MED27: variants seen among roughly 807,000 people sequenced by gnomAD.
The protein encoded by MED27 is mediator of RNA polymerase II transcription subunit 27.
A neutral mutation model predicts 38.2 loss-of-function variants in MED27; 30 were observed. The ratio of observed to expected loss-of-function variants is 0.79; its 90% CI spans 0.59 to 1.07. The LOEUF is 1.07. Ranked by LOEUF, MED27 falls within the 50% of genes least tolerant of loss-of-function variation. MED27 has a pLI of 0.00. For synonymous variants in MED27, 122 were observed against 153.5 expected, an observed-to-expected ratio of 0.79 and a Z score of 1.52; for missense variants, 289 against 397.5, an observed-to-expected ratio of 0.73 and a Z score of 2.32.
At chr9:131,928,105 T>C (rs1020935334) in intron 4 of MED27, among the ~76,000 whole-genome samples, 5 of 152,250 alleles carry the variant, frequency 3.3e-5, no homozygotes, top group African/African-American at 1.2e-4. Flanking sequence ...AATGTGTTAC[T>C]GTAGAACCAA....
At chr9:131,925,755 C>G (rs544065179) in intron 4 of MED27, among the ~76,000 whole-genome samples, 1 of 152,326 alleles carries the variant, frequency 6.6e-6, no homozygotes, top group East Asian at 1.9e-4. Flanking sequence ...ATGATAAACA[C>G]GCCAGGGGAC....
intron 3 of MED27, among the ~76,000 whole-genome samples, chr9:131,952,089 C>T (rs1037833113): frequency 3.3e-5 from 5 of 152,242 alleles, no homozygotes; most frequent in African/African-American, 1.2e-4. Context: ...CCATCCCGCA[C>T]TGTGCCCCAG....
intron 4 of MED27, among the ~76,000 whole-genome samples, chr9:131,908,686 G>A (rs986609427): frequency 6.6e-6 from 1 of 152,146 alleles, no homozygotes; most frequent in Non-Finnish European, 1.5e-5. Context: ...CAGCATGCTC[G>A]TTAAGAGTCA....
At chr9:132,027,703 C>T (rs1832854881) in intron 2 of MED27, among the ~76,000 whole-genome samples, 2 of 152,158 alleles carry the variant, frequency 1.3e-5, no homozygotes, top group Admixed American at 1.3e-4. Context: ...CTATTTAAAC[C>T]TTAATTTATC....
At chr9:132,033,303 G>A (rs534711130) in intron 2 of MED27, among the ~76,000 whole-genome samples, 10 of 152,298 alleles carry the variant, frequency 6.6e-5, no homozygotes, top group South Asian at 4.1e-4. Context: ...TGTATGGTCC[G>A]AGGCTTCGGA....
chr9:132,005,663 T>C (rs1044233778), intron 3 of MED27, among the ~76,000 whole-genome samples: 8 of 152,260 alleles, frequency 5.3e-5, no homozygotes, highest in African/African-American at 1.9e-4. Context: ...CCATCTAAGA[T>C]CCCAATACGG....
At chr9:132,049,678 T>C (rs1820551075) in intron 2 of MED27, among the ~76,000 whole-genome samples, 1 of 152,132 alleles carries the variant, frequency 6.6e-6, no homozygotes, top group Non-Finnish European at 1.5e-5. Context: ...GACAGGACCT[T>C]CCAACCAGAA....
At chr9:131,867,811 G>A (rs1042628386) in intron 6 of MED27, among the ~76,000 whole-genome samples, 2 of 152,236 alleles carry the variant, frequency 1.3e-5, no homozygotes, top group African/African-American at 4.8e-5. Flanking sequence ...ATCACTGGGG[G>A]TCTTTTGTCA....
At chr9:132,071,650 G>A (rs907385073) in intron 2 of MED27, among the ~76,000 whole-genome samples, 8 of 150,742 alleles carry the variant, frequency 5.3e-5, no homozygotes, top group Admixed American at 1.3e-4. Context: ...ACGAACACAC[G>A]CATGAGTAAC....
At chr9:132,065,223 C>T (rs888290735) in intron 2 of MED27, among the ~76,000 whole-genome samples, 3 of 152,102 alleles carry the variant, frequency 2.0e-5, no homozygotes, top group East Asian at 3.8e-4. Flanking sequence ...ACACGTATAG[C>T]GGCATCAAGA....
intron 2 of MED27, among the ~76,000 whole-genome samples, chr9:132,046,802 C>G (rs551403836): frequency 5.3e-5 from 8 of 152,312 alleles, no homozygotes; most frequent in South Asian, 2.1e-4. Context: ...CACACACATG[C>G]AACCTTGCTT....
intron 6 of MED27, among the ~76,000 whole-genome samples, chr9:131,868,053 A>G (rs1469110583): frequency 2.0e-5 from 3 of 152,228 alleles, no homozygotes; most frequent in Non-Finnish European, 2.9e-5. Context: ...AATGAATGGT[A>G]CCAGTTTCAC....
At chr9:132,035,573 A>G (rs1340202045) in intron 2 of MED27, among the ~76,000 whole-genome samples, 1 of 152,196 alleles carries the variant, frequency 6.6e-6, no homozygotes, top group Non-Finnish European at 1.5e-5. Flanking sequence ...GGACCACTTG[A>G]GCTGAAACCC....
At position 132,029,342 on chromosome 9, in the gene MED27, GT is replaced by G. The variant is rs1211224719; in HGVS notation, c.349-14876del. 2.0e-5 allele frequency among the ~76,000 whole-genome samples: 3 copies of G among 152,178 alleles called. No individual in the cohort carries two copies. In the East Asian group the frequency reaches 5.8e-4, roughly 29 times the overall value. On this transcript the variant is annotated intron_variant, in intron 2 of 7. Coordinates refer to ENST00000292035, the MANE Select transcript of MED27 (RefSeq NM_004269.4). ...AAAATCCATCAGATTTGATTGATAA[GT>G]ATACTTTTTAAAACTAAGAGTAAAA...
At chr9:131,907,196 GCTCTCC>G (rs887587152) in intron 4 of MED27, among the ~76,000 whole-genome samples, 44 of 151,798 alleles carry the variant, frequency 2.9e-4, no homozygotes, top group African/African-American at 4.1e-4. Context: ...TGCCTAACGT[GCTCTCC>G]CTCTCCCTCT....
chr9:132,010,561 T>C (rs1832464465), intron 3 of MED27, among the ~76,000 whole-genome samples: 1 of 152,234 alleles, frequency 6.6e-6, no homozygotes, highest in Non-Finnish European at 1.5e-5. Context: ...TAAGTCATGC[T>C]GCTATAAAGA....
chr9:131,952,551 T>C (rs1032909899), intron 3 of MED27, among the ~76,000 whole-genome samples: 1 of 152,244 alleles, frequency 6.6e-6, no homozygotes, highest in South Asian at 2.1e-4. Flanking sequence ...CACAGTGGTC[T>C]GTGCCCCAAA....
Position 131,883,913 on chromosome 9 carries a change from C to T in MED27, c.723+145G>A. The T allele has an allele frequency of 3.0e-6, 2 of 657,912 alleles. No individual in the cohort carries two copies. The highest frequency in any genetic ancestry group is 4.5e-5 in the South Asian group (2 of 44,562). 40.8% of individuals were successfully genotyped at this position (657,912 alleles called of 1,614,324 possible). Reference sequence around the variant, plus strand: ...TTTTGTTTTTTTCCAGAATGTCATACATATGGAATCAGACAGTGAGCATCC... The same window carrying T: ...TTTTGTTTTTTTCCAGAATGTCATATATATGGAATCAGACAGTGAGCATCC... On this transcript the variant is annotated intron_variant, in intron 6 of 7. Coordinates refer to ENST00000292035, the MANE Select transcript of MED27 (RefSeq NM_004269.4). This position sits in a 1 kb window ranked among gnomAD's most constrained non-coding sequence, Gnocchi z 4.2.
At chr9:132,037,893 G>A (rs1833116499) in intron 2 of MED27, among the ~76,000 whole-genome samples, 1 of 152,064 alleles carries the variant, frequency 6.6e-6, no homozygotes, top group African/African-American at 2.4e-5. Flanking sequence ...AGCAATGCAG[G>A]ATATGTCATC....
Sources: gnomAD v4.1 joint callset for allele counts (sites outside exome capture counted in the v4.1 genomes callset) on GRCh38, gnomAD v4.1.1 for gene constraint, Gnocchi (gnomAD v3.1) non-coding constraint, MANE v1.5 for transcripts, NCBI Gene and HGNC (gene_info 2026-07-23, HGNC 2026-07-21) for gene names.